Variants in TMEM74 observed in about 807,000 individuals in gnomAD.
TMEM74 encodes the protein transmembrane protein 74.
In TMEM74, 13 loss-of-function variants were observed where a neutral mutation model predicts 18.1. The observed-to-expected ratio is 0.72, with a 90% CI of 0.47 to 1.14. The LOEUF is 1.14. Ranked by LOEUF, TMEM74 falls within the 50% of genes most tolerant of loss-of-function variation. The probability of loss-of-function intolerance (pLI) is 0.00; values close to 1 mark genes in which losing one functional copy is unlikely to be tolerated. For missense variants in TMEM74, 372 were observed against 375.9 expected (o/e 0.99, Z 0.09); for synonymous variants, 159 against 146.6 (o/e 1.08, Z -0.61).
chr8:108,625,434 G>A (rs1004874163), intron 2 of TMEM74, among the ~76,000 whole-genome samples: 2 of 151,924 alleles, frequency 1.3e-5, no homozygotes, highest in Admixed American at 1.3e-4. Flanking sequence ...GTATTCCCTT[G>A]AAAGTGTTTG....
chr8:108,663,056 C>T (rs1345618597), intron 1 of TMEM74, among the ~76,000 whole-genome samples: 5 of 151,818 alleles, frequency 3.3e-5, no homozygotes, highest in South Asian at 2.1e-4. Flanking sequence ...GGTTTTCTGC[C>T]GAAAGCAATA....
At chr8:108,750,604 A>C (rs781679412) in intron 1 of TMEM74, among the ~76,000 whole-genome samples, 1 of 152,176 alleles carries the variant, frequency 6.6e-6, no homozygotes, top group Non-Finnish European at 1.5e-5. Context: ...TTGAACGCAG[A>C]CACCAGGGAG....
intron 1 of TMEM74, among the ~76,000 whole-genome samples, chr8:108,740,455 T>C: frequency 6.6e-6 from 1 of 152,198 alleles, no homozygotes; most frequent in South Asian, 2.1e-4. Flanking sequence ...TACAAGTTCG[T>C]GAATACCAGA....
chr8:108,718,629 G>A (rs1813553076), intron 1 of TMEM74, among the ~76,000 whole-genome samples: 1 of 152,062 alleles, frequency 6.6e-6, no homozygotes. Context: ...GAGAAATGTG[G>A]GTGGGACCTG....
chr8:108,638,724 G>T (rs577268442), intron 2 of TMEM74, among the ~76,000 whole-genome samples: 1 of 152,194 alleles, frequency 6.6e-6, no homozygotes, highest in Non-Finnish European at 1.5e-5. Context: ...CTTACTGTGT[G>T]CTAGGCACTG....
intron 1 of TMEM74, among the ~76,000 whole-genome samples, chr8:108,785,362 G>C (rs1814372300): frequency 6.6e-6 from 1 of 152,110 alleles, no homozygotes; most frequent in African/African-American, 2.4e-5. Flanking sequence ...CTTAAGTCAG[G>C]GTAGAAAGGT....
intron 1 of TMEM74, among the ~76,000 whole-genome samples, chr8:108,757,533 GTTAA>G (rs1395207487): frequency 1.2e-4 from 18 of 152,014 alleles, no homozygotes; most frequent in African/African-American, 4.3e-4. Flanking sequence ...AATAGAGTAA[GTTAA>G]TTAGTCACTT....
intron 1 of TMEM74, among the ~76,000 whole-genome samples, chr8:108,696,370 G>A (rs1450858952): frequency 6.6e-6 from 1 of 152,168 alleles, no homozygotes; most frequent in African/African-American, 2.4e-5. Context: ...TTGTTCAAAG[G>A]GTAGTGAGCT....
intron 1 of TMEM74, among the ~76,000 whole-genome samples, chr8:108,786,842 T>G (rs1814391454): frequency 6.6e-6 from 1 of 152,168 alleles, no homozygotes; most frequent in Non-Finnish European, 1.5e-5. Flanking sequence ...ACTTTCAGTT[T>G]ATAACAAAAG....
chr8:108,732,557 T>C (rs946239326), intron 1 of TMEM74, among the ~76,000 whole-genome samples: 4 of 152,120 alleles, frequency 2.6e-5, no homozygotes, highest in Non-Finnish European at 4.4e-5. Context: ...GATTAAAATA[T>C]AGAATCTAGA....
chr8:108,662,862 T>C (rs1290264456), intron 1 of TMEM74, among the ~76,000 whole-genome samples: 1 of 152,110 alleles, frequency 6.6e-6, no homozygotes, highest in Non-Finnish European at 1.5e-5. Context: ...ACTTCTGTGT[T>C]CCCACAGTAC....
chr8:108,679,512 T>C (rs1486530580), intron 1 of TMEM74, among the ~76,000 whole-genome samples: 1 of 152,348 alleles, frequency 6.6e-6, no homozygotes, highest in African/African-American at 2.4e-5. Flanking sequence ...TGATGAGCAT[T>C]TTTTCATGTG....
rs1007757216 is a variant in TMEM74, at chr8:108,783,859, T to C, written c.*322A>G. 20 of 194,484 alleles carry C rather than the reference T, an allele frequency of 1.0e-4. No individual in the cohort carries two copies. The East Asian group carries it at 2.7e-3, about 26-fold the overall frequency. 12.0% of individuals were successfully genotyped at this position (194,484 alleles called of 1,614,324 possible). ...ACCTAGTGTCCAAAGAATAACATCA[T>C]ATATTTGTGTAAAAGAAATAATTTG... On this transcript the variant is annotated 3_prime_UTR_variant, in exon 2 of 2. Transcript: ENST00000297459.
Position 108,694,063 on chromosome 8 carries a change from T to C in TMEM74, n.120-38626A>G, listed in dbSNP as rs1386632171. On this transcript the variant is annotated intron_variant and non_coding_transcript_variant, in intron 1 of 3. Coordinates refer to the TMEM74 transcript ENST00000518838. ...TACAAGTGCAATTTTGTTACATGCA[T>C]AGAATGTATAGTGGTGAAGTCAGGG... Among the ~76,000 whole-genome samples, 3 of 152,260 alleles carry C rather than the reference T, an allele frequency of 2.0e-5. No homozygotes were observed. The East Asian group carries it at 5.8e-4, about 29-fold the overall frequency.
intron 1 of TMEM74, among the ~76,000 whole-genome samples, chr8:108,690,799 C>T (rs780482012): frequency 5.3e-5 from 8 of 151,746 alleles, no homozygotes; most frequent in Middle Eastern, 3.4e-3. Context: ...CCAGCCTGGG[C>T]GACAGAGCAA....
At chr8:108,695,975 C>T (rs1416913610) in intron 1 of TMEM74, among the ~76,000 whole-genome samples, 1 of 152,130 alleles carries the variant, frequency 6.6e-6, no homozygotes, top group African/African-American at 2.4e-5. Context: ...ACTTTTATCA[C>T]CTACTCCGAA....
intron 1 of TMEM74, among the ~76,000 whole-genome samples, chr8:108,688,905 C>T (rs1014859061): frequency 2.0e-5 from 3 of 152,170 alleles, no homozygotes; most frequent in Non-Finnish European, 2.9e-5. Context: ...CAAACTGTCT[C>T]ATCATGGTTT....
At chr8:108,743,387 G>T (rs1813820464) in intron 1 of TMEM74, among the ~76,000 whole-genome samples, 1 of 151,950 alleles carries the variant, frequency 6.6e-6, no homozygotes, top group East Asian at 1.9e-4. Context: ...ACAACTTTGT[G>T]AAATACTGTA....
chr8:108,608,092 A>G (rs1406980031), intron 3 of TMEM74, among the ~76,000 whole-genome samples: 2 of 152,050 alleles, frequency 1.3e-5, no homozygotes, highest in African/African-American at 2.4e-5. Context: ...TCACAAGGTC[A>G]TGATTTCGAG....
Sources: allele counts gnomAD v4.1 joint callset (sites outside exome capture counted in the v4.1 genomes callset), GRCh38; gene constraint gnomAD v4.1.1; transcripts MANE v1.5; gene names NCBI Gene and HGNC (gene_info 2026-07-23, HGNC 2026-07-21).